The following TDRD3 variants were observed in gnomAD, a reference collection of about 807,000 sequenced individuals.
The protein encoded by TDRD3 is tudor domain-containing protein 3.
A neutral mutation model predicts 86.7 loss-of-function variants in TDRD3; 45 were observed. The ratio of observed to expected loss-of-function variants is 0.52; its 90% CI spans 0.41 to 0.67. TDRD3 has a LOEUF of 0.67. Among genes scored for constraint, TDRD3 ranks in the 30% least tolerant of loss-of-function variants. The pLI, the probability that TDRD3 is intolerant of heterozygous loss-of-function variation, is 0.00. For synonymous variants in TDRD3, 298 were observed against 301.7 expected (o/e 0.99, Z 0.13); for missense variants, 814 against 889.0 (o/e 0.92, Z 1.07).
chr13:60,547,282 A>T (rs968154614), intron 12 of TDRD3: 46 of 985,268 alleles, frequency 4.7e-5, no homozygotes, highest in Non-Finnish European at 5.3e-5. Context: ...TTATCCTGAA[A>T]GGATTTGGTG....
intron 1 of TDRD3, among the ~76,000 whole-genome samples, chr13:60,400,669 C>T (rs1337107371): frequency 1.3e-5 from 2 of 150,478 alleles, no homozygotes; most frequent in South Asian, 2.1e-4. Flanking sequence ...ACCCAGGAGG[C>T]GGAGGTTGCA....
chr13:60,444,774 A>C (rs1435970064), intron 3 of TDRD3, 26 bp downstream of exon 3: 15 of 1,278,720 alleles, frequency 1.2e-5, no homozygotes, highest in Non-Finnish European at 1.6e-5. Flanking sequence ...AACTTCTTAC[A>C]TTAATTAATT....
At chr13:60,431,922 T>C (rs1437431690) in intron 1 of TDRD3, among the ~76,000 whole-genome samples, 1 of 151,986 alleles carries the variant, frequency 6.6e-6, no homozygotes, top group East Asian at 1.9e-4. Flanking sequence ...ATCTGATCCA[T>C]TTATATATAA....
At chr13:60,468,981 C>T (rs866133585) in intron 5 of TDRD3, among the ~76,000 whole-genome samples, 62 of 152,222 alleles carry the variant, frequency 4.1e-4, no homozygotes, top group African/African-American at 1.2e-3. Context: ...ACACTACTCT[C>T]TCCTATTTTC....
At chr13:60,497,030 G>A (rs907404189) in intron 8 of TDRD3, among the ~76,000 whole-genome samples, 5 of 152,176 alleles carry the variant, frequency 3.3e-5, no homozygotes, top group Non-Finnish European at 7.3e-5. Flanking sequence ...AGGACGAACC[G>A]GGGACTTAGC....
At chr13:60,457,050 A>T (rs1384968419) in intron 3 of TDRD3, among the ~76,000 whole-genome samples, 1 of 152,148 alleles carries the variant, frequency 6.6e-6, no homozygotes, top group African/African-American at 2.4e-5. Context: ...CATTTAAAAA[A>T]TTTTATTATG....
chr13:60,419,622 G>C (rs1954607412), intron 1 of TDRD3, among the ~76,000 whole-genome samples: 1 of 152,014 alleles, frequency 6.6e-6, no homozygotes, highest in South Asian at 2.1e-4. Flanking sequence ...CACACACTGA[G>C]GCCTGTTGTG....
At chr13:60,414,910 TA>T (rs1182023178) in intron 1 of TDRD3, among the ~76,000 whole-genome samples, 1 of 152,084 alleles carries the variant, frequency 6.6e-6, no homozygotes, top group Non-Finnish European at 1.5e-5. Flanking sequence ...TTTTTGTTTT[TA>T]AAAAATAAAA....
chr13:60,553,758 G>A (rs1429214188), intron 12 of TDRD3, among the ~76,000 whole-genome samples: 2 of 151,932 alleles, frequency 1.3e-5, no homozygotes, highest in Non-Finnish European at 2.9e-5. Flanking sequence ...GGGGGAAACC[G>A]ACCCCATGAT....
chr13:60,401,273 A>G (rs1954093358), intron 1 of TDRD3, among the ~76,000 whole-genome samples: 2 of 152,216 alleles, frequency 1.3e-5, no homozygotes. Flanking sequence ...ATACAACAAC[A>G]AAAATAATAT....
intron 1 of TDRD3, among the ~76,000 whole-genome samples, chr13:60,406,610 C>A (rs1371654908): frequency 1.3e-5 from 2 of 152,032 alleles, no homozygotes; most frequent in Non-Finnish European, 2.9e-5. Flanking sequence ...GGAGAATTAG[C>A]CTTTAAGGAC....
At chr13:60,512,977 T>A (rs962698126) in intron 10 of TDRD3, among the ~76,000 whole-genome samples, 2 of 152,210 alleles carry the variant, frequency 1.3e-5, no homozygotes, top group African/African-American at 4.8e-5. Flanking sequence ...GACTCCACAT[T>A]TCCCTTCTGC....
intron 10 of TDRD3, among the ~76,000 whole-genome samples, chr13:60,514,461 C>G (rs1053684190): frequency 6.6e-6 from 1 of 152,212 alleles, no homozygotes. Flanking sequence ...GGGCCTATCA[C>G]ACTACATACA....
intron 12 of TDRD3, among the ~76,000 whole-genome samples, chr13:60,566,687 G>C (rs1359303718): frequency 6.6e-6 from 1 of 152,114 alleles, no homozygotes; most frequent in Non-Finnish European, 1.5e-5. Flanking sequence ...TCATAGCTGT[G>C]TTAATTCAAA....
At chr13:60,457,720 G>C (rs578066182) in intron 3 of TDRD3, among the ~76,000 whole-genome samples, 1 of 152,310 alleles carries the variant, frequency 6.6e-6, no homozygotes, top group South Asian at 2.1e-4. Flanking sequence ...GTGTCAGCAG[G>C]GTTGGTTCCT....
chr13:60,435,433 A>G (rs565421388), intron 1 of TDRD3, among the ~76,000 whole-genome samples: 1 of 152,218 alleles, frequency 6.6e-6, no homozygotes, highest in African/African-American at 2.4e-5. Flanking sequence ...AACCTACCCC[A>G]GTAGAGTCCC....
At chr13:60,461,941 G>A (rs1955812481) in intron 4 of TDRD3, among the ~76,000 whole-genome samples, 1 of 152,182 alleles carries the variant, frequency 6.6e-6, no homozygotes, top group Non-Finnish European at 1.5e-5. Context: ...AGAACAGTGG[G>A]TATGCGAGAG....
intron 12 of TDRD3, among the ~76,000 whole-genome samples, chr13:60,549,825 A>T (rs1048129652): frequency 6.6e-6 from 1 of 152,110 alleles, no homozygotes; most frequent in African/African-American, 2.4e-5. Context: ...GAATGAGAAA[A>T]AATTTTTTTA....
chr13:60,543,951 T>C (rs1455270901), intron 12 of TDRD3, among the ~76,000 whole-genome samples: 1 of 151,748 alleles, frequency 6.6e-6, no homozygotes, highest in Non-Finnish European at 1.5e-5. Context: ...ATTATCGTTT[T>C]TGTAATATAG....
Sources: allele counts gnomAD v4.1 joint callset (sites outside exome capture counted in the v4.1 genomes callset), GRCh38; gene constraint gnomAD v4.1.1; transcripts MANE v1.5; gene names NCBI Gene and HGNC (gene_info 2026-07-23, HGNC 2026-07-21).